PEAR1: variants seen among roughly 807,000 people sequenced by gnomAD.
The protein encoded by PEAR1 is multiple EGF-like domains protein 12.
Under a neutral mutation model 131.2 loss-of-function variants are expected in PEAR1, and 113 were observed. The observed-to-expected ratio is 0.86, with a 90% CI of 0.74 to 1.01. The LOEUF (loss-of-function observed/expected upper bound fraction) is 1.01. Ranked by LOEUF, PEAR1 falls within the 50% of genes least tolerant of loss-of-function variation. The probability of loss-of-function intolerance (pLI) is 0.00; values close to 1 mark genes in which losing one functional copy is unlikely to be tolerated. For synonymous variants in PEAR1, 565 were observed against 523.3 expected (o/e 1.08, Z -1.09); for missense variants, 1,408 against 1,391.1 (o/e 1.01, Z -0.19).
rs1383281758 is a variant in PEAR1, at chr1:156,908,240, G to A, written c.1015G>A (p.Gly339Ser). The A allele has an allele frequency of 1.3e-6, 2 of 1,599,796 alleles. No homozygotes were observed. Among genetic ancestry groups the A allele is most frequent in the Non-Finnish European group, 8.5e-7 (1 of 1,177,470 alleles). The change falls in exon 9 of 23, where the codon GGC becomes AGC. Residue 339 changes from glycine (G) to serine (S), a missense_variant. Gly to Ser is a moderately conservative substitution (Grantham distance 56). Transcript: ENST00000292357. This position sits in a 1 kb window ranked among gnomAD's most constrained non-coding sequence, Gnocchi z 4.2. ...PANGACLCEH[G>S]FTGDRCTDRL... ...CAACGGCGCATGTCTGTGCGAACAC[G>A]GCTTCACTGGGGACCGCTGCACGGA...
chr1:156,899,573 C>T (rs1649481762), intron 1 of PEAR1, among the ~76,000 whole-genome samples: 1 of 152,114 alleles, frequency 6.6e-6, no homozygotes, highest in Admixed American at 6.5e-5. Context: ...GGAATTAATA[C>T]CCAAAGGCGC....
intron 1 of PEAR1, among the ~76,000 whole-genome samples, chr1:156,894,152 C>T (rs1648929136): frequency 6.6e-6 from 1 of 152,206 alleles, no homozygotes; most frequent in Non-Finnish European, 1.5e-5. Flanking sequence ...CAGCCTGGCT[C>T]ACTGCCCCCT....
chr1:156,909,725 AC>A (rs780320239), intron 11 of PEAR1, 25 bp from the exon 12 acceptor site: 1 of 1,574,748 alleles, frequency 6.4e-7, no homozygotes, highest in Admixed American at 1.7e-5. Context: ...GGGTCCCCAT[AC>A]CTACCTACCA....
chr1:156,896,739 C>A (rs1179727021), intron 1 of PEAR1, among the ~76,000 whole-genome samples: 1 of 152,166 alleles, frequency 6.6e-6, no homozygotes, highest in African/African-American at 2.4e-5. Context: ...TGGGGAGGCA[C>A]AGGATGAGGG....
At chr1:156,913,357 C>G (rs1244947133) in intron 19 of PEAR1, 34 bp from the exon 20 acceptor site, 5 of 1,608,126 alleles carry the variant, frequency 3.1e-6, no homozygotes, top group Non-Finnish European at 4.2e-6. Context: ...CTGTCCTTGC[C>G]TCTTGCTCTC....
At chr1:156,906,472 G>A (rs1185021098) in intron 5 of PEAR1, 104 bp downstream of exon 5, 13 of 1,533,460 alleles carry the variant, frequency 8.5e-6, no homozygotes, top group South Asian at 1.2e-5. Context: ...GGACCCCAGG[G>A]CGATTACCCG....
intron 15 of PEAR1, among the ~76,000 whole-genome samples, chr1:156,911,066 T>TTTCTTTCC: frequency 8.7e-6 from 1 of 114,334 alleles, no homozygotes; most frequent in East Asian, 3.9e-4. Flanking sequence ...TCTTTCTTTC[T>TTTCTTTCC]TTCTTTCTTT....
chr1:156,906,760 TTC>T lies in PEAR1; in HGVS notation c.525_526del (p.Gln176AlafsTer41). 6.2e-7 allele frequency: 1 copy of T among 1,614,238 alleles called. No individual in the cohort carries two copies. Among genetic ancestry groups the T allele is most frequent in the Non-Finnish European group, 8.5e-7 (1 of 1,180,048 alleles). On this transcript the variant is annotated frameshift_variant, in exon 6 of 23. Coordinates refer to ENST00000292357, the MANE Select transcript of PEAR1 (RefSeq NM_001080471.3). LOFTEE classifies it high-confidence loss of function. ...TCTGGTCTGCAGCCCCCGAACTGCC[TTC>T]AGCCCTGTACCCCTGGCTACTATGG...
At chr1:156,901,863 G>A (rs1649714705) in intron 1 of PEAR1, among the ~76,000 whole-genome samples, 1 of 151,132 alleles carries the variant, frequency 6.6e-6, no homozygotes, top group South Asian at 2.1e-4. Context: ...AAGATGGCTG[G>A]AGCAGGGCAG....
At chr1:156,894,222 C>A (rs1648933497) in intron 1 of PEAR1, among the ~76,000 whole-genome samples, 1 of 152,168 alleles carries the variant, frequency 6.6e-6, no homozygotes, top group African/African-American at 2.4e-5. Context: ...AGTGTAGCCA[C>A]AAGAGCATCG....
At chr1:156,896,638 G>A (rs975874966) in intron 1 of PEAR1, among the ~76,000 whole-genome samples, 6 of 152,218 alleles carry the variant, frequency 3.9e-5, no homozygotes, top group African/African-American at 7.2e-5. Context: ...TTTGCCCTCC[G>A]TCCTACCCCC....
intron 1 of PEAR1, among the ~76,000 whole-genome samples, chr1:156,894,882 T>A (rs1007165499): frequency 6.6e-6 from 1 of 152,240 alleles, no homozygotes; most frequent in African/African-American, 2.4e-5. Context: ...TAAGCTGGCC[T>A]TGTGCTAGGG....
At position 156,909,849 on chromosome 1, in the gene PEAR1, C is replaced by T. The variant is rs777770580; in HGVS notation, c.1510C>T (p.Pro504Ser). 6 of 1,613,764 alleles carry T rather than the reference C, an allele frequency of 3.7e-6. No individual in the cohort carries two copies. The highest frequency in any genetic ancestry group is 2.2e-5 in the East Asian group (1 of 44,890). ...GTGTGCCCATGAGGCAGTCTGCAGC[C>T]CCCAAACTGGAGCCTGTACCTGCAC... ...CQCAHEAVCS[P>S]QTGACTCTPG... is the part of the protein sequence containing the mutation. Residue 504 changes from proline (P) to serine (S), a missense_variant, in exon 12 of 23, where the codon CCC becomes TCC. By Grantham distance (74) the Pro-to-Ser change is moderately conservative. Transcript: ENST00000292357.
intron 11 of PEAR1, 47 bp from the exon 12 acceptor site, chr1:156,909,703 AG>A: frequency 6.4e-7 from 1 of 1,550,690 alleles, no homozygotes; most frequent in Non-Finnish European, 8.7e-7. Flanking sequence ...GTGCTTGCTC[AG>A]GAAGGGAAAT....
Position 156,912,266 on chromosome 1 carries a change from G to T in PEAR1, c.1971G>T (p.Trp657Cys). The stretch of plus-strand genomic sequence containing the variant: ...CCGTAGCATGCCCTCCAGGACACTG[G>T]GGAGAAAACTGTGCCCAGACCTGCC... ...DCSQPCPPGH[W>C]GENCAQTCQC... Residue 657 changes from tryptophan to cysteine, a missense_variant, in exon 16 of 23, where the codon TGG becomes TGT. Coordinates refer to ENST00000292357, the MANE Select transcript of PEAR1 (RefSeq NM_001080471.3). 6.2e-7 allele frequency: 1 copy of T among 1,613,666 alleles called. No homozygotes were observed. Among genetic ancestry groups the T allele is most frequent in the Non-Finnish European group, 8.5e-7 (1 of 1,179,862 alleles).
chr1:156,907,385 A>G (rs1650450933), intron 6 of PEAR1, among the ~76,000 whole-genome samples: 1 of 152,004 alleles, frequency 6.6e-6, no homozygotes, highest in African/African-American at 2.4e-5. Flanking sequence ...AGAGGCAGAC[A>G]TGCCACCCGT....
In PEAR1 at chr1:156,910,274, A is replaced by G; in HGVS notation, c.1719A>G (p.Gly573=). Residue 573 remains glycine (G), a synonymous_variant, in exon 14 of 23, where the codon GGA becomes GGG. Transcript: ENST00000292357. The part of the protein sequence containing the change: ...CHLSCPEGLW[G]VNCSNTCTCK... ...TGTCCTGCCCTGAGGGCTTATGGGG[A>G]GTCAACTGTAGCAACACCTGCACCT... 1 of 1,613,272 alleles carries G rather than the reference A, an allele frequency of 6.2e-7. No individual in the cohort carries two copies.
chr1:156,906,400 C>T (rs772968049), intron 5 of PEAR1, 32 bp downstream of exon 5: 2 of 1,611,310 alleles, frequency 1.2e-6, no homozygotes, highest in South Asian at 2.2e-5. Context: ...GGAGTGGCCT[C>T]TTGTGCCTTC....
intron 20 of PEAR1, 31 bp downstream of exon 20, chr1:156,913,554 C>A: frequency 6.2e-7 from 1 of 1,608,994 alleles, no homozygotes; most frequent in Non-Finnish European, 8.5e-7. Flanking sequence ...GTCTCTGGCG[C>A]GGGTGGATGT....
Sources: allele counts gnomAD v4.1 joint callset (sites outside exome capture counted in the v4.1 genomes callset), GRCh38; gene constraint gnomAD v4.1.1; non-coding constraint Gnocchi (gnomAD v3.1); transcripts MANE v1.5; gene names NCBI Gene and HGNC (gene_info 2026-07-23, HGNC 2026-07-21).